RSPO4: variants seen among roughly 807,000 people sequenced by gnomAD.
RSPO4 encodes R-spondin-4.
A neutral mutation model predicts 24.8 loss-of-function variants in RSPO4; 23 were observed. That is an observed-to-expected ratio of 0.93 (90% CI 0.67 to 1.31). RSPO4 has a LOEUF of 1.31. Ranked by LOEUF, RSPO4 falls within the 40% of genes most tolerant of loss-of-function variation. The pLI, the probability that RSPO4 is intolerant of heterozygous loss-of-function variation, is 0.00. For synonymous variants in RSPO4, 141 were observed against 127.4 expected, an observed-to-expected ratio of 1.11 and a Z score of -0.72; for missense variants, 333 against 316.5, an observed-to-expected ratio of 1.05 and a Z score of -0.39.
intron 2 of RSPO4, among the ~76,000 whole-genome samples, chr20:967,632 GCAAAAATT>G (rs545616248): frequency 1.2e-3 from 178 of 152,344 alleles, no homozygotes; most frequent in Non-Finnish European, 2.2e-3. Flanking sequence ...CAAAGTTACA[GCAAAAATT>G]AGAGCTTGGA....
In RSPO4 at chr20:963,783, A is replaced by G. The variant is rs532429897; in HGVS notation, c.595+152T>C. ...GAAGGCCCTCCTTTGAAAGGACACC[A>G]GGGAAGGTGATGTGTACTCCACATG... On this transcript the variant is annotated intron_variant, in intron 4 of 4. Coordinates refer to ENST00000217260, the MANE Select transcript of RSPO4 (RefSeq NM_001029871.4). The G allele has an allele frequency of 6.4e-5, 50 of 786,914 alleles. 2 individuals are homozygous for G. In the South Asian group the frequency reaches 7.5e-4, roughly 12 times the overall value. The allele number at this position is 786,914 out of a possible 1,614,324, so 48.7% of individuals were successfully genotyped here.
intron 1 of RSPO4, among the ~76,000 whole-genome samples, chr20:996,110 C>T (rs968966506): frequency 6.6e-6 from 1 of 152,108 alleles, no homozygotes; most frequent in Non-Finnish European, 1.5e-5. Flanking sequence ...GAGTGGAGTA[C>T]ATGACAGATT....
chr20:969,918 G>A (rs1984356918), intron 1 of RSPO4, among the ~76,000 whole-genome samples: 1 of 152,114 alleles, frequency 6.6e-6, no homozygotes, highest in African/African-American at 2.4e-5. Context: ...ATTCACCTGA[G>A]CCCCAAGACC....
intron 1 of RSPO4, among the ~76,000 whole-genome samples, chr20:998,687 G>A (rs1047280789): frequency 6.6e-5 from 10 of 152,226 alleles, no homozygotes; most frequent in African/African-American, 1.7e-4. Flanking sequence ...GGTGGGAAAG[G>A]GTCATCCCTC....
At chr20:973,228 G>A (rs944743121) in intron 1 of RSPO4, among the ~76,000 whole-genome samples, 4 of 152,224 alleles carry the variant, frequency 2.6e-5, no homozygotes, top group Admixed American at 6.5e-5. Flanking sequence ...AGGAATTGAA[G>A]CCCACAGAAG....
At position 966,204 on chromosome 20, in the gene RSPO4, C is replaced by T. The variant is rs1285101358; in HGVS notation, c.409+970G>A. 5.9e-5 allele frequency among the ~76,000 whole-genome samples: 9 copies of T among 152,050 alleles called. No homozygotes were observed. In the South Asian group the frequency reaches 1.5e-3, roughly 25 times the overall value. ...CATGAATGTGAGCCCGGAGGGAATG[C>T]GTGGGCAGAGAGGCACAGTGTAGAT... On this transcript the variant is annotated intron_variant, in intron 3 of 4. Coordinates refer to ENST00000217260, the MANE Select transcript of RSPO4 (RefSeq NM_001029871.4).
chr20:958,518 A>G lies in RSPO4; in HGVS notation c.*1839T>C, dbSNP rs486344. On this transcript the variant is annotated 3_prime_UTR_variant, in exon 5 of 5. Transcript: ENST00000217260. ...AAAGTTAGGGTCTTGAAACAATAAC[A>G]ACGGAGCATTTCAGAGGCACAAACG... 49,077 of 152,056 alleles carry G rather than the reference A, an allele frequency of 0.32. 13,993 individuals carry two copies. The highest frequency in any genetic ancestry group is 0.77 in the African/African-American group (32,016 of 41,402). The allele number at this position is 152,056 out of a possible 1,614,324, so 9.4% of individuals were successfully genotyped here.
rs1405755012 is a variant in RSPO4, at chr20:970,997, C to A, written c.80-2859G>T. ...AGCTGGGACTACAGGCATGTCCCACCACACCAAGATAATTTTTTAAAAACT... is the reference window on the plus strand; with the variant it reads ...AGCTGGGACTACAGGCATGTCCCACAACACCAAGATAATTTTTTAAAAACT... On this transcript the variant is annotated intron_variant, in intron 1 of 4. Coordinates refer to ENST00000217260, the MANE Select transcript of RSPO4 (RefSeq NM_001029871.4). The surrounding 1 kb of genome is among the most constrained non-coding windows in gnomAD (Gnocchi z 4.1). 2.6e-5 allele frequency among the ~76,000 whole-genome samples: 4 copies of A among 152,080 alleles called. No homozygotes were observed. Among genetic ancestry groups the A allele is most frequent in the African/African-American group, 9.7e-5 (4 of 41,398 alleles).
At chr20:985,167 C>A (rs975704949) in intron 1 of RSPO4, among the ~76,000 whole-genome samples, 1 of 148,488 alleles carries the variant, frequency 6.7e-6, no homozygotes, top group Non-Finnish European at 1.5e-5. Context: ...ATCCACCCAC[C>A]CACCTACCCA....
intron 1 of RSPO4, among the ~76,000 whole-genome samples, chr20:993,995 G>T (rs1985193891): frequency 6.6e-6 from 1 of 152,118 alleles, no homozygotes; most frequent in South Asian, 2.1e-4. Context: ...CAGTTTTCTT[G>T]TCTGTAAAAT....
chr20:978,134 G>T (rs1012677847), intron 1 of RSPO4, among the ~76,000 whole-genome samples: 1 of 152,216 alleles, frequency 6.6e-6, no homozygotes, highest in African/African-American at 2.4e-5. Context: ...CAGCACTCAG[G>T]AGGTGGGGGG....
intron 1 of RSPO4, among the ~76,000 whole-genome samples, chr20:994,327 T>C (rs975147547): frequency 2.0e-5 from 3 of 152,200 alleles, no homozygotes; most frequent in African/African-American, 7.2e-5. Context: ...GTCCTGATGG[T>C]GCCTATAGCC....
chr20:995,338 G>A (rs1480593374), intron 1 of RSPO4, among the ~76,000 whole-genome samples: 1 of 152,154 alleles, frequency 6.6e-6, no homozygotes, highest in Non-Finnish European at 1.5e-5. Context: ...GCTCACACAT[G>A]TATTTGCGAC....
chr20:960,258 G>A lies in RSPO4; in HGVS notation c.*99C>T. ...TGGAAAGAAAGAGAGGACAAATGGA[G>A]AAGACAGAGGAGAAAGAGTAAGAGG... On this transcript the variant is annotated 3_prime_UTR_variant, in exon 5 of 5. Coordinates refer to ENST00000217260, the MANE Select transcript of RSPO4 (RefSeq NM_001029871.4). 2 of 749,682 alleles carry A rather than the reference G, an allele frequency of 2.7e-6. No homozygotes were observed. Among genetic ancestry groups the A allele is most frequent in the Non-Finnish European group, 2.3e-6 (1 of 433,374 alleles). The allele number at this position is 749,682 out of a possible 1,614,324, so 46.4% of individuals were successfully genotyped here. A position where few individuals can be genotyped will look rare whatever the true frequency, so the allele number is the denominator to read the frequency against.
intron 1 of RSPO4, among the ~76,000 whole-genome samples, chr20:974,550 G>C (rs1451624706): frequency 6.6e-6 from 1 of 152,228 alleles, no homozygotes; most frequent in African/African-American, 2.4e-5. Flanking sequence ...CTTAACCTGG[G>C]CTTGGCCAAT....
chr20:983,985 G>A (rs1250154246), intron 1 of RSPO4, among the ~76,000 whole-genome samples: 1 of 152,024 alleles, frequency 6.6e-6, no homozygotes, highest in Non-Finnish European at 1.5e-5. Flanking sequence ...GAGAGTCTAG[G>A]CCCCAGAATA....
rs751837901 is a variant in RSPO4, at chr20:967,935, G to A, written c.268+15C>T. On this transcript the variant is annotated intron_variant, in intron 2 of 4. Coordinates refer to ENST00000217260, the MANE Select transcript of RSPO4 (RefSeq NM_001029871.4). ...GAGCCCAGCACTAGCATAGAACAAG[G>A]GAGAAGCCACGTACTTTTGCACCTG... 1.9e-6 allele frequency: 3 copies of A among 1,613,508 alleles called. No homozygotes were observed. Among genetic ancestry groups the A allele is most frequent in the Non-Finnish European group, 2.5e-6 (3 of 1,179,540 alleles).
chr20:979,628 G>C (rs1450897591), intron 1 of RSPO4, among the ~76,000 whole-genome samples: 2 of 151,764 alleles, frequency 1.3e-5, no homozygotes. Context: ...CCCTGGGTCT[G>C]GAGAGTTACA....
At chr20:998,167 C>A (rs1309792116) in intron 1 of RSPO4, among the ~76,000 whole-genome samples, 2 of 152,152 alleles carry the variant, frequency 1.3e-5, no homozygotes, top group African/African-American at 4.8e-5. Flanking sequence ...TCACTTTGCC[C>A]CTTGCTTGCT....
Sources: allele counts gnomAD v4.1 joint callset (sites outside exome capture counted in the v4.1 genomes callset), GRCh38; gene constraint gnomAD v4.1.1; non-coding constraint Gnocchi (gnomAD v3.1); transcripts MANE v1.5; gene names NCBI Gene and HGNC (gene_info 2026-07-23, HGNC 2026-07-21).